Variants in SUPT3H observed in about 807,000 individuals in gnomAD.
SUPT3H encodes the protein SPT3 homolog, SAGA and STAGA complex component.
Under a neutral mutation model 44.3 loss-of-function variants are expected in SUPT3H, and 44 were observed. The observed-to-expected ratio is 0.99, with a 90% confidence interval of 0.78 to 1.28. The LOEUF (loss-of-function observed/expected upper bound fraction) is 1.28, where lower values mean the gene tolerates loss of function less well. Among genes scored for constraint, SUPT3H ranks in the 50% most tolerant of loss-of-function variants. SUPT3H has a pLI of 0.00. For synonymous variants in SUPT3H, 124 were observed against 125.6 expected (o/e 0.99, Z 0.09); for missense variants, 380 against 387.1 (o/e 0.98, Z 0.15).
At chr6:45,194,159 T>C (rs1208474441) in intron 2 of SUPT3H, among the ~76,000 whole-genome samples, 1 of 152,198 alleles carries the variant, frequency 6.6e-6, no homozygotes, top group Non-Finnish European at 1.5e-5. Flanking sequence ...AAACTTTACA[T>C]TTTATGGTAT....
chr6:45,323,369 C>T (rs1785819960), intron 2 of SUPT3H, among the ~76,000 whole-genome samples: 2 of 151,786 alleles, frequency 1.3e-5, no homozygotes, highest in Admixed American at 1.3e-4. Context: ...TATTAAAACC[C>T]GATTTTTTTA....
At chr6:45,364,970 T>C (rs1476309603) in intron 2 of SUPT3H, among the ~76,000 whole-genome samples, 1 of 152,204 alleles carries the variant, frequency 6.6e-6, no homozygotes, top group Non-Finnish European at 1.5e-5. Flanking sequence ...CATTCTATCA[T>C]TTATAAAGAT....
intron 2 of SUPT3H, among the ~76,000 whole-genome samples, chr6:45,354,958 A>C (rs1423466642): frequency 6.6e-6 from 1 of 152,092 alleles, no homozygotes; most frequent in Non-Finnish European, 1.5e-5. Flanking sequence ...AAAGATAAAT[A>C]CCAAAGCCTT....
At chr6:44,927,971 A>G (rs913290483) in intron 10 of SUPT3H, among the ~76,000 whole-genome samples, 1 of 152,154 alleles carries the variant, frequency 6.6e-6, no homozygotes, top group African/African-American at 2.4e-5. Context: ...AGCTACTACT[A>G]CTTCCACTAT....
At chr6:45,048,615 T>C (rs1404855706) in intron 3 of SUPT3H, among the ~76,000 whole-genome samples, 1 of 152,168 alleles carries the variant, frequency 6.6e-6, no homozygotes, top group African/African-American at 2.4e-5. Flanking sequence ...TGCAGTATTA[T>C]TCACAATAGC....
At chr6:45,121,257 T>C (rs1801615533) in intron 2 of SUPT3H, among the ~76,000 whole-genome samples, 1 of 152,178 alleles carries the variant, frequency 6.6e-6, no homozygotes, top group Non-Finnish European at 1.5e-5. Flanking sequence ...ACAAATTTCC[T>C]ATCTCAAAGC....
intron 2 of SUPT3H, among the ~76,000 whole-genome samples, chr6:45,115,645 C>T (rs967233575): frequency 6.6e-6 from 1 of 151,986 alleles, no homozygotes; most frequent in African/African-American, 2.4e-5. Context: ...GAGAGGATTC[C>T]AAATAAAATG....
rs114655252 is a variant in SUPT3H, at chr6:44,850,804, C to T, written c.913-20947G>A. ...TCTATCTATCTATCTATAAATGTACCTTGTATGTACAAACATATATAGATG... is the reference window on the plus strand; with the variant it reads ...TCTATCTATCTATCTATAAATGTACTTTGTATGTACAAACATATATAGATG... On this transcript the variant is annotated intron_variant, in intron 10 of 10. Transcript: ENST00000371459. 2.0e-3 allele frequency among the ~76,000 whole-genome samples: 277 copies of T among 138,296 alleles called. 1 individual carries two copies. Among genetic ancestry groups the T allele is most frequent in the African/African-American group, 7.0e-3 (257 of 36,536 alleles). 90.7% of individuals were successfully genotyped at this position (138,296 alleles called of 152,430 possible).
At chr6:44,835,254 T>C (rs1275799772) in intron 10 of SUPT3H, among the ~76,000 whole-genome samples, 1 of 152,042 alleles carries the variant, frequency 6.6e-6, no homozygotes, top group Non-Finnish European at 1.5e-5. Flanking sequence ...AAGTTTGGGT[T>C]AAATCAAGCA....
chr6:44,923,861 T>A (rs1011633458), intron 10 of SUPT3H, among the ~76,000 whole-genome samples: 1 of 152,086 alleles, frequency 6.6e-6, no homozygotes, highest in Non-Finnish European at 1.5e-5. Flanking sequence ...AACAATTTTA[T>A]AATAGAACTC....
chr6:45,328,894 T>A, intron 2 of SUPT3H: 1 of 1,114,810 alleles, frequency 9.0e-7, no homozygotes. Context: ...AAGATCCTAA[T>A]TATGCTATCT....
intron 1 of SUPT3H, among the ~76,000 whole-genome samples, chr6:45,376,866 C>T (rs1479424878): frequency 6.6e-6 from 1 of 152,166 alleles, no homozygotes; most frequent in African/African-American, 2.4e-5. Context: ...TACATATATA[C>T]ACATACATAT....
intron 2 of SUPT3H, among the ~76,000 whole-genome samples, chr6:45,137,785 A>T (rs963529498): frequency 3.3e-5 from 5 of 151,988 alleles, no homozygotes; most frequent in African/African-American, 1.2e-4. Flanking sequence ...AAATTCAACC[A>T]TGACAATAAT....
chr6:45,344,279 T>C (rs1050211274), intron 2 of SUPT3H, among the ~76,000 whole-genome samples: 119 of 152,224 alleles, frequency 7.8e-4, no homozygotes, highest in African/African-American at 2.7e-3. Flanking sequence ...TTATTTCTTA[T>C]ACAGTTGGGA....
At chr6:44,869,274 A>G (rs529200324) in intron 10 of SUPT3H, among the ~76,000 whole-genome samples, 212 of 152,088 alleles carry the variant, frequency 1.4e-3, no homozygotes, top group Non-Finnish European at 2.7e-3. Context: ...CTGTGACAAT[A>G]CTGAAAAAGC....
At chr6:44,904,525 C>G (rs916960622) in intron 10 of SUPT3H, among the ~76,000 whole-genome samples, 18 of 152,202 alleles carry the variant, frequency 1.2e-4, no homozygotes, top group African/African-American at 4.1e-4. Flanking sequence ...AAAGAGGACA[C>G]AAACAAATGG....
intron 2 of SUPT3H, among the ~76,000 whole-genome samples, chr6:45,232,944 C>A (rs1341206808): frequency 2.6e-5 from 4 of 152,098 alleles, no homozygotes; most frequent in African/African-American, 9.7e-5. Flanking sequence ...TGGAGTGAGA[C>A]AAAGGGTCCC....
intron 2 of SUPT3H, among the ~76,000 whole-genome samples, chr6:45,182,801 G>A (rs1306110305): frequency 6.6e-6 from 1 of 152,142 alleles, no homozygotes; most frequent in Non-Finnish European, 1.5e-5. Flanking sequence ...TACCTACCAG[G>A]ATGTCTATTT....
intron 2 of SUPT3H, among the ~76,000 whole-genome samples, chr6:45,211,636 G>A (rs976951668): frequency 6.6e-6 from 1 of 151,764 alleles, no homozygotes; most frequent in Non-Finnish European, 1.5e-5. Flanking sequence ...AGATCACAAG[G>A]TAAAGAGATC....
Sources: allele counts gnomAD v4.1 joint callset (sites outside exome capture counted in the v4.1 genomes callset), GRCh38; gene constraint gnomAD v4.1.1; transcripts MANE v1.5; gene names NCBI Gene and HGNC (gene_info 2026-07-23, HGNC 2026-07-21).